Variants in CNTNAP5 observed in about 807,000 individuals in gnomAD.
CNTNAP5 encodes contactin associated protein family member 5, also known as contactin-associated protein-like 5.
CNTNAP5 carries 72 observed loss-of-function variants against 150.2 expected under a neutral mutation model. The observed-to-expected ratio is 0.48, with a 90% CI of 0.40 to 0.58. CNTNAP5 has a LOEUF of 0.58. Among genes scored for constraint, CNTNAP5 ranks in the 20% least tolerant of loss-of-function variants. The probability of loss-of-function intolerance (pLI) is 0.00; values close to 1 mark genes in which losing one functional copy is unlikely to be tolerated. For synonymous variants in CNTNAP5, 672 were observed against 619.8 expected (o/e 1.08, Z -1.25); for missense variants, 1,636 against 1,626.2 (o/e 1.01, Z -0.10).
chr2:124,486,788 TA>T (rs1206805268), intron 7 of CNTNAP5, among the ~76,000 whole-genome samples: 4 of 152,216 alleles, frequency 2.6e-5, no homozygotes, highest in African/African-American at 9.6e-5. Flanking sequence ...ATATGCTCCA[TA>T]AAAAAATAGT....
At chr2:124,418,655 T>C (rs1160355171) in intron 4 of CNTNAP5, among the ~76,000 whole-genome samples, 1 of 152,180 alleles carries the variant, frequency 6.6e-6, no homozygotes, top group African/African-American at 2.4e-5. Context: ...AGAAAGAATA[T>C]GGTTTAGAAC....
At chr2:124,725,386 CA>C (rs1219085014) in intron 13 of CNTNAP5, among the ~76,000 whole-genome samples, 1 of 151,920 alleles carries the variant, frequency 6.6e-6, no homozygotes, top group African/African-American at 2.4e-5. Context: ...ATGATTACCA[CA>C]ATGAAGTTAA....
At position 124,438,105 on chromosome 2, in the gene CNTNAP5, C is replaced by T. The variant is rs566153691; in HGVS notation, c.733+3418C>T. Among the ~76,000 whole-genome samples, 91 of 152,262 alleles carry T rather than the reference C, an allele frequency of 6.0e-4. No individual in the cohort carries two copies. In the Middle Eastern group the frequency reaches 0.01, roughly 17 times the overall value. ...GTATCCAATTTACATTACATAGTTACCCTAACCCTTACTGTGTCTGGCTTG... is the reference window on the plus strand; with the variant it reads ...GTATCCAATTTACATTACATAGTTATCCTAACCCTTACTGTGTCTGGCTTG... On this transcript the variant is annotated intron_variant, in intron 5 of 23. Transcript: ENST00000682447.
chr2:124,418,464 C>A (rs1691986544), intron 4 of CNTNAP5, among the ~76,000 whole-genome samples: 1 of 152,122 alleles, frequency 6.6e-6, no homozygotes, highest in African/African-American at 2.4e-5. Flanking sequence ...CTAGAAAATG[C>A]ATTTCCCTCA....
chr2:124,123,970 G>C (rs771753503), intron 1 of CNTNAP5, among the ~76,000 whole-genome samples: 3 of 152,110 alleles, frequency 2.0e-5, no homozygotes, highest in African/African-American at 4.8e-5. Context: ...GAGAAGAAAA[G>C]CTGAAAATAC....
At chr2:124,528,048 G>T (rs1348058685) in intron 10 of CNTNAP5, among the ~76,000 whole-genome samples, 1 of 152,156 alleles carries the variant, frequency 6.6e-6, no homozygotes, top group African/African-American at 2.4e-5. Context: ...AAGACACACT[G>T]CAGAAAACCA....
rs559421253 is a variant in CNTNAP5 at position 124,080,491 on chromosome 2, G to A, written c.82+54759G>A. ...GTGAAAGAGCCAGTGACTTTGAACC[G>A]CTGCATGAATGTGGGTGTGTTCTGT... On this transcript the variant is annotated intron_variant, in intron 1 of 23. Coordinates refer to ENST00000682447, the MANE Select transcript of CNTNAP5 (RefSeq NM_001367498.1). 9.2e-5 allele frequency among the ~76,000 whole-genome samples: 14 copies of A among 152,276 alleles called. No individual in the cohort carries two copies. In the East Asian group the frequency reaches 1.5e-3, roughly 17 times the overall value.
At chr2:124,808,695 A>G (rs1378109910) in intron 19 of CNTNAP5, among the ~76,000 whole-genome samples, 1 of 152,162 alleles carries the variant, frequency 6.6e-6, no homozygotes, top group Non-Finnish European at 1.5e-5. Context: ...AGTGAAAAAT[A>G]TGAACTCACT....
At chr2:124,553,008 A>G (rs1205258254) in intron 10 of CNTNAP5, among the ~76,000 whole-genome samples, 1 of 152,130 alleles carries the variant, frequency 6.6e-6, no homozygotes, top group Admixed American at 6.6e-5. Flanking sequence ...GTTTTTGTGC[A>G]TGTAAAAATG....
chr2:124,122,451 G>T (rs1683585970), intron 1 of CNTNAP5, among the ~76,000 whole-genome samples: 1 of 152,126 alleles, frequency 6.6e-6, no homozygotes, highest in Admixed American at 6.5e-5. Flanking sequence ...AAGCATAGCA[G>T]TCAATCTAAG....
intron 3 of CNTNAP5, among the ~76,000 whole-genome samples, chr2:124,330,978 C>T (rs909205847): frequency 3.3e-5 from 5 of 152,090 alleles, no homozygotes; most frequent in Non-Finnish European, 7.4e-5. Flanking sequence ...GTTGAGTTAG[C>T]AATTTCATGA....
At chr2:124,893,065 G>A (rs986140014) in intron 21 of CNTNAP5, among the ~76,000 whole-genome samples, 8 of 152,056 alleles carry the variant, frequency 5.3e-5, no homozygotes, top group Non-Finnish European at 1.2e-4. Context: ...TATGAAAAAC[G>A]TGTATAGAAT....
intron 1 of CNTNAP5, among the ~76,000 whole-genome samples, chr2:124,056,248 C>T (rs960795909): frequency 2.6e-5 from 4 of 152,160 alleles, no homozygotes; most frequent in African/African-American, 7.2e-5. Flanking sequence ...AGAAGCTGGT[C>T]GGAAATTGAC....
Position 124,699,413 on chromosome 2 carries a change from C to T in CNTNAP5, c.2078-47816C>T, listed in dbSNP as rs146847583. 2.0e-3 allele frequency among the ~76,000 whole-genome samples: 310 copies of T among 152,288 alleles called. 1 individual carries two copies. Among genetic ancestry groups the T allele is most frequent in the Non-Finnish European group, 3.8e-3 (257 of 68,016 alleles). On this transcript the variant is annotated intron_variant, in intron 13 of 23. Transcript: ENST00000682447. The stretch of plus-strand genomic sequence containing the variant: ...GAATATTTTCTGCTTTCCTTTCTCA[C>T]CCTACAGTCTACCCATTGGAAGCAT...
intron 1 of CNTNAP5, among the ~76,000 whole-genome samples, chr2:124,101,577 T>C (rs1241524173): frequency 6.6e-6 from 1 of 152,216 alleles, no homozygotes; most frequent in Non-Finnish European, 1.5e-5. Context: ...GGAGACCTCC[T>C]TTTAACACAT....
intron 11 of CNTNAP5, among the ~76,000 whole-genome samples, chr2:124,572,960 G>C (rs549000955): frequency 6.6e-6 from 1 of 152,050 alleles, no homozygotes. Flanking sequence ...GTTTTTCCTT[G>C]CAAACTGCCA....
chr2:124,727,514 A>T (rs1186736282), intron 13 of CNTNAP5, among the ~76,000 whole-genome samples: 1 of 151,984 alleles, frequency 6.6e-6, no homozygotes, highest in Non-Finnish European at 1.5e-5. Context: ...TATAGTATTC[A>T]GTGTACAGGT....
In CNTNAP5 at chr2:124,524,435, A is replaced by C; in HGVS notation, c.1460A>C (p.Asn487Thr). The C allele has an allele frequency of 6.2e-7, 1 of 1,612,440 alleles. No individual in the cohort carries two copies. Among genetic ancestry groups the C allele is most frequent in the Non-Finnish European group, 8.5e-7 (1 of 1,179,088 alleles). ...ACTTGGGTGCAGATTTATTCTGGAA[A>C]TAGCTACTATTTTGGAGGTAAATTC... ...DSTWVQIYSGNSYYFGGCPDN... is the reference protein window; with the variant it reads ...DSTWVQIYSGTSYYFGGCPDN... The change falls in exon 9 of 24, where the codon AAT (asparagine) becomes ACT (threonine). Residue 487 changes from asparagine to threonine, a missense_variant. Physicochemically the swap from Asn to Thr is moderately conservative, Grantham distance 65 (BLOSUM62 0). Coordinates refer to ENST00000682447, the MANE Select transcript of CNTNAP5 (RefSeq NM_001367498.1).
In CNTNAP5 at chr2:124,142,431, C is replaced by G. The variant is rs368024793; in HGVS notation, c.83-79274C>G. Among the ~76,000 whole-genome samples, 381 of 151,876 alleles carry G rather than the reference C, an allele frequency of 2.5e-3. 5 individuals are homozygous for G. The South Asian group carries it at 0.03, about 12-fold the overall frequency. Reference sequence around the variant, plus strand: ...CAAATCTAAAGAACAGAAATTATAACAAACTATCTCTCAGACCACAGTGCA... The same window carrying G: ...CAAATCTAAAGAACAGAAATTATAAGAAACTATCTCTCAGACCACAGTGCA... On this transcript the variant is annotated intron_variant, in intron 1 of 23. Coordinates refer to ENST00000682447, the MANE Select transcript of CNTNAP5 (RefSeq NM_001367498.1).
Sources: gnomAD v4.1 joint callset for allele counts (sites outside exome capture counted in the v4.1 genomes callset) on GRCh38, gnomAD v4.1.1 for gene constraint, MANE v1.5 for transcripts, NCBI Gene and HGNC (gene_info 2026-07-23, HGNC 2026-07-21) for gene names.